Variants in KLRB1 observed in about 807,000 individuals in gnomAD.
KLRB1 encodes the protein killer cell lectin like receptor B1.
In KLRB1, 27 loss-of-function variants were observed where a neutral mutation model predicts 33.5. The ratio of observed to expected loss-of-function variants is 0.81; its 90% CI spans 0.59 to 1.11. The LOEUF (loss-of-function observed/expected upper bound fraction) is 1.11. KLRB1 is among the 50% of genes most tolerant of loss of function. The pLI, the probability that KLRB1 is intolerant of heterozygous loss-of-function variation, is 0.00. For missense variants in KLRB1, 241 were observed against 254.1 expected (o/e 0.95, Z 0.35); for synonymous variants, 64 against 88.9 (o/e 0.72, Z 1.58).
chr12:9,607,405 T>TTTCTTTCTTTCTTTCTTTCTTTTC (rs1565444748), intron 1 of KLRB1, among the ~76,000 whole-genome samples: 7 of 47,984 alleles, frequency 1.5e-4, no homozygotes, highest in African/African-American at 3.1e-4. Context: ...TCTTTCTTTC[T>TTTCTTTCTTTCTTTCTTTCTTTTC]TTTCTTTCTT....
rs1197198358 is a variant in KLRB1 at position 9,606,758 on chromosome 12, ATATTT to A, written c.85+992_85+996del. Among the ~76,000 whole-genome samples the A allele has an allele frequency of 3.2e-4, 21 of 65,902 alleles. 2 individuals are homozygous for A. The highest frequency in any genetic ancestry group is 1.0e-3 in the East Asian group (3 of 2,976). The allele number at this position is 65,902 out of a possible 152,430, so 43.2% of individuals were successfully genotyped here. ...AGTATATATATATATATATATATATATATTTTTTTTTTTTTTTTGAGATAGTCTTG... is the reference window on the plus strand; with the variant it reads ...AGTATATATATATATATATATATATATTTTTTTTTTTTTGAGATAGTCTTG... On this transcript the variant is annotated intron_variant, in intron 1 of 5. Transcript: ENST00000229402.
intron 1 of KLRB1, among the ~76,000 whole-genome samples, chr12:9,603,725 C>T (rs532750611): frequency 1.3e-5 from 2 of 150,898 alleles, no homozygotes; most frequent in Admixed American, 6.6e-5. Context: ...CGTGAGCCAC[C>T]GCACCCAGCC....
At chr12:9,603,017 T>A (rs1864561427) in intron 1 of KLRB1, among the ~76,000 whole-genome samples, 1 of 152,162 alleles carries the variant, frequency 6.6e-6, no homozygotes, top group African/African-American at 2.4e-5. Context: ...GCGTTAGATG[T>A]GATCAAAGAT....
chr12:9,599,996 AG>A (rs1487735120), intron 2 of KLRB1, among the ~76,000 whole-genome samples, 155 bp from the exon 3 acceptor site: 9 of 143,478 alleles, frequency 6.3e-5, no homozygotes, highest in African/African-American at 2.3e-4. Context: ...AAAAAAAAAA[AG>A]ATCTCACCTA....
chr12:9,600,302 C>A (rs1484388085), intron 2 of KLRB1, among the ~76,000 whole-genome samples: 1 of 152,050 alleles, frequency 6.6e-6, no homozygotes, highest in African/African-American at 2.4e-5. Context: ...AGTTCTTGGG[C>A]CACATATATA....
intron 2 of KLRB1, 32 bp from the exon 3 acceptor site, chr12:9,599,873 T>C (rs372444925): frequency 3.3e-6 from 4 of 1,218,614 alleles, no homozygotes; most frequent in Middle Eastern, 1.9e-4. Context: ...GAGTATTAAA[T>C]GCTGAAATGT....
At chr12:9,596,680 T>G (rs1864495029) in intron 5 of KLRB1, among the ~76,000 whole-genome samples, 1 of 152,230 alleles carries the variant, frequency 6.6e-6, no homozygotes, top group Admixed American at 6.5e-5. Flanking sequence ...CTCCATCCAC[T>G]TTACACATAT....
intron 1 of KLRB1, among the ~76,000 whole-genome samples, chr12:9,605,211 C>G (rs1165444031): frequency 1.3e-5 from 2 of 152,194 alleles, no homozygotes; most frequent in Non-Finnish European, 2.9e-5. Flanking sequence ...TGTATATGTG[C>G]CACATTTTCT....
intron 1 of KLRB1, among the ~76,000 whole-genome samples, chr12:9,601,865 T>C (rs1864547253): frequency 6.6e-6 from 1 of 152,204 alleles, no homozygotes; most frequent in Non-Finnish European, 1.5e-5. Context: ...AGGATTGGTG[T>C]AAGAACCAAA....
At chr12:9,606,079 CTT>C (rs1421111582) in intron 1 of KLRB1, among the ~76,000 whole-genome samples, 1 of 152,140 alleles carries the variant, frequency 6.6e-6, no homozygotes, top group African/African-American at 2.4e-5. Context: ...TTCCTCTACT[CTT>C]ATGTGAAAAT....
intron 1 of KLRB1, among the ~76,000 whole-genome samples, chr12:9,605,544 A>G (rs1213621673): frequency 6.6e-6 from 1 of 152,232 alleles, no homozygotes; most frequent in African/African-American, 2.4e-5. Context: ...ATGAATGAAT[A>G]AACTCTAGGG....
At chr12:9,603,701 G>C (rs1422037583) in intron 1 of KLRB1, among the ~76,000 whole-genome samples, 18 of 151,556 alleles carry the variant, frequency 1.2e-4, no homozygotes. Flanking sequence ...CTCCCAAAGT[G>C]CTGGGATTAC....
chr12:9,607,335 C>CTTT (rs1491505010), intron 1 of KLRB1, among the ~76,000 whole-genome samples: 108 of 65,260 alleles, frequency 1.7e-3, no homozygotes, highest in African/African-American at 4.0e-3. Context: ...CTCTTTCTTT[C>CTTT]CTTTCTTTCT....
intron 1 of KLRB1, among the ~76,000 whole-genome samples, chr12:9,606,842 G>C (rs1299070907): frequency 7.0e-6 from 1 of 143,254 alleles, no homozygotes. Context: ...CTGCAGCCTT[G>C]ATCTCTTGGG....
chr12:9,597,350 A>C (rs1437702777), intron 5 of KLRB1, among the ~76,000 whole-genome samples: 4 of 152,158 alleles, frequency 2.6e-5, no homozygotes, highest in Non-Finnish European at 4.4e-5. Flanking sequence ...CTTGTGAGGG[A>C]AGAAAACACC....
chr12:9,599,494 G>C (rs1203720232), intron 3 of KLRB1, among the ~76,000 whole-genome samples: 1 of 152,166 alleles, frequency 6.6e-6, no homozygotes, highest in Non-Finnish European at 1.5e-5. Flanking sequence ...GAGTATCCTA[G>C]CAGAGGCTCC....
intron 3 of KLRB1, 139 bp downstream of exon 3, chr12:9,599,628 G>T: frequency 1.5e-6 from 1 of 682,008 alleles, no homozygotes; most frequent in Non-Finnish European, 2.6e-6. Flanking sequence ...ATCTTTTTAT[G>T]TCTCAATTTT....
chr12:9,606,367 C>T (rs1864597984), intron 1 of KLRB1: 1 of 152,124 alleles, frequency 6.6e-6, no homozygotes, highest in South Asian at 2.1e-4. Context: ...TGCTATCCAT[C>T]ATGTGTTACC....
chr12:9,607,335 C>CTTTCTTTCTTTCTCTCTTT (rs1491505010), intron 1 of KLRB1, among the ~76,000 whole-genome samples: 1 of 65,170 alleles, frequency 1.5e-5, no homozygotes, highest in African/African-American at 4.2e-5. Flanking sequence ...CTCTTTCTTT[C>CTTTCTTTCTTTCTCTCTTT]CTTTCTTTCT....
Sources: gnomAD v4.1 joint callset for allele counts (sites outside exome capture counted in the v4.1 genomes callset) on GRCh38, gnomAD v4.1.1 for gene constraint, MANE v1.5 for transcripts, NCBI Gene and HGNC (gene_info 2026-07-23, HGNC 2026-07-21) for gene names.